The following PIK3CG variants were observed in gnomAD, a reference collection of about 807,000 sequenced individuals.
PIK3CG encodes phosphatidylinositol-4,5-bisphosphate 3-kinase catalytic subunit gamma, also known as phosphatidylinositol 4,5-bisphosphate 3-kinase catalytic subunit gamma isoform.
In PIK3CG, 55 loss-of-function variants were observed where a neutral mutation model predicts 102.3. The observed-to-expected ratio is 0.54, with a 90% CI of 0.43 to 0.67. The LOEUF (loss-of-function observed/expected upper bound fraction) is 0.67, where lower values mean the gene tolerates loss of function less well. Among genes scored for constraint, PIK3CG ranks in the 30% least tolerant of loss-of-function variants. The pLI is 0.00. For synonymous variants in PIK3CG, 552 were observed against 540.0 expected, an observed-to-expected ratio of 1.02 and a Z score of -0.31; for missense variants, 1,258 against 1,391.8, an observed-to-expected ratio of 0.90 and a Z score of 1.53.
rs769624690 is a variant in PIK3CG at position 106,905,342 on chromosome 7, A to T, written c.3264A>T (p.Leu1088=). The T allele has an allele frequency of 6.2e-7, 1 of 1,614,042 alleles. No individual in the cohort carries two copies. Among genetic ancestry groups the T allele is most frequent in the Non-Finnish European group, 8.5e-7 (1 of 1,179,918 alleles). The change falls in exon 11 of 11, where the codon CTA becomes CTT. Residue 1088 remains leucine (L), a synonymous_variant. Coordinates refer to ENST00000496166, the MANE Select transcript of PIK3CG (RefSeq NM_001282426.2). This position sits in a 1 kb window ranked among gnomAD's most constrained non-coding sequence, Gnocchi z 5.6. ...GGACTGTGCAGTTTAATTGGTTTCT[A>T]CATCTTGTTCTTGGCATCAAACAAG... ...KGWTVQFNWF[L]HLVLGIKQGE...
At chr7:106,896,804 C>T (rs939164309) in intron 10 of PIK3CG, among the ~76,000 whole-genome samples, 1 of 152,174 alleles carries the variant, frequency 6.6e-6, no homozygotes, top group Admixed American at 6.5e-5. Flanking sequence ...TATTGTCTCA[C>T]TTAGAAAATG....
chr7:106,866,676 C>T lies in PIK3CG; in HGVS notation c.-12-874C>T, dbSNP rs539690385. 5.3e-5 allele frequency among the ~76,000 whole-genome samples: 8 copies of T among 152,248 alleles called. No homozygotes were observed. In the East Asian group the frequency reaches 1.3e-3, roughly 26 times the overall value. ...CCTAAATGTTCCTATTGGGAGAGTA[C>T]AGCCTTGGGTGACTCTTCTAAGATA... On this transcript the variant is annotated intron_variant, in intron 1 of 10. Coordinates refer to ENST00000496166, the MANE Select transcript of PIK3CG (RefSeq NM_001282426.2).
intron 10 of PIK3CG, among the ~76,000 whole-genome samples, chr7:106,887,850 T>C (rs1791145671): frequency 6.6e-6 from 1 of 152,004 alleles, no homozygotes; most frequent in Non-Finnish European, 1.5e-5. Context: ...GTTTGTCTGT[T>C]TGCTTCGGAC....
In PIK3CG at chr7:106,874,860, G is replaced by A. The variant is rs907136690; in HGVS notation, c.2391+57G>A. 2.7e-5 allele frequency: 30 copies of A among 1,108,012 alleles called. No homozygotes were observed. The highest frequency in any genetic ancestry group is 4.0e-5 in the Non-Finnish European group (29 of 733,912). The allele number at this position is 1,108,012 out of a possible 1,614,324, so 68.6% of individuals were successfully genotyped here. A position where few individuals can be genotyped will look rare whatever the true frequency, so the allele number is the denominator to read the frequency against. On this transcript the variant is annotated intron_variant, in intron 5 of 10. Coordinates refer to ENST00000496166, the MANE Select transcript of PIK3CG (RefSeq NM_001282426.2). This position sits in a 1 kb window ranked among gnomAD's most constrained non-coding sequence, Gnocchi z 4.3. ...TTTATGTCTTGAAGATGTCTAACGT[G>A]CTTGCTGGGGCCCAGTACTTAAAAG...
intron 10 of PIK3CG, among the ~76,000 whole-genome samples, chr7:106,886,997 A>G (rs1265309510): frequency 6.6e-6 from 1 of 152,148 alleles, no homozygotes; most frequent in Non-Finnish European, 1.5e-5. Context: ...ATCTAAAAAA[A>G]AAAATCACAA....
At chr7:106,885,241 G>A (rs1198700699) in intron 9 of PIK3CG, among the ~76,000 whole-genome samples, 1 of 152,138 alleles carries the variant, frequency 6.6e-6, no homozygotes, top group East Asian at 1.9e-4. Context: ...TCTTAAGAAG[G>A]CAAAGTTAGA....
chr7:106,906,479 T>C lies in PIK3CG; in HGVS notation c.*1092T>C, dbSNP rs1188610645. Reference sequence around the variant, plus strand: ...TAATGGAAGAAGATATTTAATATCTTAAAAATATTCCAAGTTAGGAAGAAC... The same window carrying C: ...TAATGGAAGAAGATATTTAATATCTCAAAAATATTCCAAGTTAGGAAGAAC... On this transcript the variant is annotated 3_prime_UTR_variant, in exon 11 of 11. Transcript: ENST00000496166. The C allele has an allele frequency of 4.3e-6, 1 of 229,952 alleles. No homozygotes were observed. Among genetic ancestry groups the C allele is most frequent in the East Asian group, 6.2e-5 (1 of 16,032 alleles). 14.2% of individuals were successfully genotyped at this position (229,952 alleles called of 1,614,324 possible).
At chr7:106,886,947 T>C (rs1405997019) in intron 10 of PIK3CG, among the ~76,000 whole-genome samples, 1 of 151,968 alleles carries the variant, frequency 6.6e-6, no homozygotes. Context: ...ATTGGAAGAA[T>C]TGTCTTGGGC....
rs1263750505 is a variant in PIK3CG, at chr7:106,868,408, G to A, written c.847G>A (p.Gly283Ser). The A allele has an allele frequency of 2.5e-6, 4 of 1,614,206 alleles. No individual in the cohort carries two copies. The East Asian group carries it at 6.7e-5, about 27-fold the overall frequency. Residue 283 changes from glycine (G) to serine (S), a missense_variant, in exon 2 of 11, where the codon GGC becomes AGC. Gly to Ser is a moderately conservative substitution (Grantham distance 56). Around this residue, in one of 2 missense-constraint regions of PIK3CG, gnomAD observed 832 missense variants for 787.5 expected, o/e 1.06. Coordinates refer to ENST00000496166, the MANE Select transcript of PIK3CG (RefSeq NM_001282426.2). This position sits in a 1 kb window ranked among gnomAD's most constrained non-coding sequence, Gnocchi z 6.2. The stretch of plus-strand genomic sequence containing the variant: ...CTGTGGCCGGGATGAGTACCTGGTG[G>A]GCGAAACGCCCATCAAAAACTTCCA... ...RVCGRDEYLV[G>S]ETPIKNFQWV...
In PIK3CG at chr7:106,877,706, A is replaced by G. The variant is rs530234900; in HGVS notation, c.2392-1813A>G. Among the ~76,000 whole-genome samples the G allele has an allele frequency of 2.6e-5, 4 of 152,258 alleles. No homozygotes were observed. Among genetic ancestry groups the G allele is most frequent in the East Asian group, 3.9e-4 (2 of 5,190 alleles). On this transcript the variant is annotated intron_variant, in intron 5 of 10. Coordinates refer to ENST00000496166, the MANE Select transcript of PIK3CG (RefSeq NM_001282426.2). This position sits in a 1 kb window ranked among gnomAD's most constrained non-coding sequence, Gnocchi z 4.5. The stretch of plus-strand genomic sequence containing the variant: ...ACTGACCGTATATGTGTGGGTCTAC[A>G]CCTAGATTCTCTGTTCTGTTCCACT...
intron 10 of PIK3CG, among the ~76,000 whole-genome samples, chr7:106,901,176 C>G (rs1197027492): frequency 6.6e-6 from 1 of 151,628 alleles, no homozygotes; most frequent in Non-Finnish European, 1.5e-5. Flanking sequence ...ATCCTCCTCC[C>G]TTTCAGGGAT....
In PIK3CG at chr7:106,868,410, C is replaced by G. The variant is rs766973241; in HGVS notation, c.849C>G (p.Gly283=). The G allele has an allele frequency of 6.2e-7, 1 of 1,614,202 alleles. No individual in the cohort carries two copies. Among genetic ancestry groups the G allele is most frequent in the Non-Finnish European group, 8.5e-7 (1 of 1,180,046 alleles). Residue 283 remains glycine, a synonymous_variant, in exon 2 of 11, where the codon GGC becomes GGG. Transcript: ENST00000496166. This position sits in a 1 kb window ranked among gnomAD's most constrained non-coding sequence, Gnocchi z 6.2. ...RVCGRDEYLV[G]ETPIKNFQWV... is the part of the protein sequence containing the mutation. ...GTGGCCGGGATGAGTACCTGGTGGG[C>G]GAAACGCCCATCAAAAACTTCCAGT...
chr7:106,876,316 G>A (rs1271300590), intron 5 of PIK3CG, among the ~76,000 whole-genome samples: 1 of 151,740 alleles, frequency 6.6e-6, no homozygotes, highest in Non-Finnish European at 1.5e-5. Context: ...GTCTTTCTAT[G>A]TGCTCATTTT....
At chr7:106,886,687 T>C (rs775224842) in intron 10 of PIK3CG, among the ~76,000 whole-genome samples, 7 of 152,164 alleles carry the variant, frequency 4.6e-5, no homozygotes, top group Non-Finnish European at 8.8e-5. Flanking sequence ...TTTTCAGAAC[T>C]CACAAAAGGT....
rs984850961 is a variant in PIK3CG, at chr7:106,903,037, A to G, written c.3031-2072A>G. Reference sequence around the variant, plus strand: ...ATGATGAGCCACTTGTCCTGGTCCCATTTATCAAATAATAGATCTTTTCCC... The same window carrying G: ...ATGATGAGCCACTTGTCCTGGTCCCGTTTATCAAATAATAGATCTTTTCCC... On this transcript the variant is annotated intron_variant, in intron 10 of 10. Coordinates refer to ENST00000496166, the MANE Select transcript of PIK3CG (RefSeq NM_001282426.2). This position sits in a 1 kb window ranked among gnomAD's most constrained non-coding sequence, Gnocchi z 4.3. Among the ~76,000 whole-genome samples, 1 of 152,110 alleles carries G rather than the reference A, an allele frequency of 6.6e-6. No homozygotes were observed. The highest frequency in any genetic ancestry group is 2.4e-5 in the African/African-American group (1 of 41,432).
chr7:106,903,201 G>T lies in PIK3CG; in HGVS notation c.3031-1908G>T, dbSNP rs1315361911. On this transcript the variant is annotated intron_variant, in intron 10 of 10. Transcript: ENST00000496166. The surrounding 1 kb of genome is among the most constrained non-coding windows in gnomAD (Gnocchi z 4.3). Reference sequence around the variant, plus strand: ...ACTGGTTCGCACTGTTTTTAATAATGTAGTTTTATAAAATGGTTTAATATC... The same window carrying T: ...ACTGGTTCGCACTGTTTTTAATAATTTAGTTTTATAAAATGGTTTAATATC... Among the ~76,000 whole-genome samples, 1 of 152,058 alleles carries T rather than the reference G, an allele frequency of 6.6e-6. No individual in the cohort carries two copies. The highest frequency in any genetic ancestry group is 1.5e-5 in the Non-Finnish European group (1 of 68,012).
In PIK3CG at chr7:106,869,149, C is replaced by T. The variant is rs2116459096; in HGVS notation, c.1588C>T (p.Pro530Ser). Residue 530 changes from proline to serine, a missense_variant, in exon 2 of 11, where the codon CCT becomes TCT. By Grantham distance (74) the Pro-to-Ser change is moderately conservative. Coordinates refer to ENST00000496166, the MANE Select transcript of PIK3CG (RefSeq NM_001282426.2). The surrounding 1 kb of genome is among the most constrained non-coding windows in gnomAD (Gnocchi z 5.3). Reference protein sequence around the residue: ...LDNYCHPIALPKHQPTPDPEG... With the variant: ...LDNYCHPIALSKHQPTPDPEG... ...CAATTACTGCCACCCGATAGCCCTG[C>T]CTAAGCATCAGCCCACCCCTGACCC... 1 of 1,614,212 alleles carries T rather than the reference C, an allele frequency of 6.2e-7. No individual in the cohort carries two copies. Among genetic ancestry groups the T allele is most frequent in the Non-Finnish European group, 8.5e-7 (1 of 1,180,040 alleles).
At chr7:106,885,161 C>T (rs551307773) in intron 9 of PIK3CG, among the ~76,000 whole-genome samples, 1 of 152,166 alleles carries the variant, frequency 6.6e-6, no homozygotes, top group African/African-American at 2.4e-5. Context: ...GGTTGGGGAC[C>T]TCTGCTCTAG....
intron 10 of PIK3CG, among the ~76,000 whole-genome samples, chr7:106,889,596 G>T (rs1466710490): frequency 2.0e-5 from 3 of 152,200 alleles, no homozygotes; most frequent in African/African-American, 4.8e-5. Context: ...AATTGATAAG[G>T]TTAACTAATA....
Sources: gnomAD v4.1 joint callset for allele counts (sites outside exome capture counted in the v4.1 genomes callset) on GRCh38, gnomAD v4.1.1 for gene constraint, gnomAD v4.1.1 regional missense constraint, Gnocchi (gnomAD v3.1) non-coding constraint, MANE v1.5 for transcripts, NCBI Gene and HGNC (gene_info 2026-07-23, HGNC 2026-07-21) for gene names.